The following NEGR1 variants were observed in gnomAD, a reference collection of about 807,000 sequenced individuals.
NEGR1 encodes the protein IgLON family member 4.
Under a neutral mutation model 40.9 loss-of-function variants are expected in NEGR1, and 10 were observed. The ratio of observed to expected loss-of-function variants is 0.24; its 90% CI spans 0.15 to 0.42. The LOEUF (loss-of-function observed/expected upper bound fraction) is 0.42. Among genes scored for constraint, NEGR1 ranks in the 10% least tolerant of loss-of-function variants. The pLI is 1.00. For missense variants in NEGR1, 352 were observed against 438.9 expected, an observed-to-expected ratio of 0.80 and a Z score of 1.77; for synonymous variants, 185 against 166.8, an observed-to-expected ratio of 1.11 and a Z score of -0.84.
chr1:71,927,817 C>CAA, intron 2 of NEGR1, among the ~76,000 whole-genome samples: 1 of 33,308 alleles, frequency 3.0e-5, no homozygotes, highest in South Asian at 1.4e-3. Context: ...GACCCAATCT[C>CAA]TAAAAAAAAA....
Position 71,968,613 on chromosome 1 carries a change from T to G in NEGR1, c.177-33302A>C, listed in dbSNP as rs371534070. The stretch of plus-strand genomic sequence containing the variant: ...TATGAGGAAGAGAGATTTAACATAT[T>G]TTGTATAGAAAAGGTTTTACAAATT... On this transcript the variant is annotated intron_variant, in intron 1 of 6. Transcript: ENST00000357731. Among the ~76,000 whole-genome samples the G allele has an allele frequency of 1.2e-4, 19 of 152,280 alleles. No individual in the cohort carries two copies. In the East Asian group the frequency reaches 2.7e-3, roughly 22 times the overall value.
At chr1:71,619,682 G>T (rs1650551992) in intron 4 of NEGR1, among the ~76,000 whole-genome samples, 1 of 152,078 alleles carries the variant, frequency 6.6e-6, no homozygotes, top group South Asian at 2.1e-4. Flanking sequence ...GAAAGGGTCA[G>T]CATGAGGTAT....
Position 71,666,633 on chromosome 1 carries a change from T to TCCCAATTTA in NEGR1, c.667+31374_667+31375insTAAATTGGG, listed in dbSNP as rs545720581. On this transcript the variant is annotated intron_variant, in intron 4 of 6. Transcript: ENST00000357731. The stretch of plus-strand genomic sequence containing the variant: ...CAATTATATTGGGATTTACTACAAA[T>TCCCAATTTA]CTATCTAGCAGTGTTAACTACTCAG... Among the ~76,000 whole-genome samples, 294 of 152,298 alleles carry TCCCAATTTA rather than the reference T, an allele frequency of 1.9e-3. 1 individual carries two copies. Among genetic ancestry groups the TCCCAATTTA allele is most frequent in the African/African-American group, 6.8e-3 (283 of 41,562 alleles).
intron 2 of NEGR1, among the ~76,000 whole-genome samples, chr1:71,781,997 A>C (rs942545368): frequency 6.6e-6 from 1 of 152,156 alleles, no homozygotes; most frequent in African/African-American, 2.4e-5. Context: ...AAAGATCAAA[A>C]TTCGATCTTA....
At chr1:72,161,308 G>C (rs1214423159) in intron 1 of NEGR1, among the ~76,000 whole-genome samples, 1 of 152,066 alleles carries the variant, frequency 6.6e-6, no homozygotes, top group African/African-American at 2.4e-5. Flanking sequence ...TCTAGATTTA[G>C]GTTTGTGGTG....
intron 6 of NEGR1, among the ~76,000 whole-genome samples, chr1:71,495,246 A>C (rs1019617331): frequency 6.6e-6 from 1 of 152,114 alleles, no homozygotes; most frequent in African/African-American, 2.4e-5. Context: ...TGGGAGGCCA[A>C]GGTGGGTGGA....
At chr1:72,177,924 G>A (rs1325275932) in intron 1 of NEGR1, among the ~76,000 whole-genome samples, 1 of 151,976 alleles carries the variant, frequency 6.6e-6, no homozygotes, top group Admixed American at 6.6e-5. Context: ...CAGAGATGAA[G>A]CACAGCTGGC....
At position 72,281,571 on chromosome 1, in the gene NEGR1, G is replaced by A. The variant is rs76129735; in HGVS notation, c.176+748C>T. 3.7e-3 allele frequency among the ~76,000 whole-genome samples: 568 copies of A among 151,660 alleles called. 5 individuals are homozygous for A. Among genetic ancestry groups the A allele is most frequent in the African/African-American group, 0.013 (543 of 41,278 alleles). ...GTCAAAAGAGGGAAGACAGGGCACA[G>A]GATAGGGACATTAAGGAGGAATAAA... is the stretch of plus-strand genomic sequence containing the variant. On this transcript the variant is annotated intron_variant, in intron 1 of 6. Transcript: ENST00000357731.
At chr1:72,037,906 T>C (rs1023801287) in intron 1 of NEGR1, among the ~76,000 whole-genome samples, 2 of 152,106 alleles carry the variant, frequency 1.3e-5, no homozygotes, top group Non-Finnish European at 2.9e-5. Context: ...CCATTCTTGG[T>C]GTTTATGACC....
chr1:71,447,497 T>G (rs1646590965), intron 6 of NEGR1, among the ~76,000 whole-genome samples: 1 of 152,242 alleles, frequency 6.6e-6, no homozygotes, highest in Admixed American at 6.5e-5. Context: ...TCGCTTTATT[T>G]GCAGTTCTGT....
At chr1:71,591,579 T>C (rs1649501537) in intron 6 of NEGR1, among the ~76,000 whole-genome samples, 1 of 152,112 alleles carries the variant, frequency 6.6e-6, no homozygotes, top group South Asian at 2.1e-4. Flanking sequence ...TCACACTGCT[T>C]TATAATATTT....
At chr1:72,204,853 C>A (rs937035642) in intron 1 of NEGR1, among the ~76,000 whole-genome samples, 1 of 152,050 alleles carries the variant, frequency 6.6e-6, no homozygotes, top group South Asian at 2.1e-4. Context: ...AATTCTGAAT[C>A]GTAAGCAACA....
chr1:71,505,281 C>T (rs1557548943), intron 6 of NEGR1, among the ~76,000 whole-genome samples: 1 of 151,714 alleles, frequency 6.6e-6, no homozygotes, highest in African/African-American at 2.4e-5. Context: ...CACCCTGTTT[C>T]TTTTTCTTTT....
intron 1 of NEGR1, among the ~76,000 whole-genome samples, chr1:72,270,687 T>C (rs757864882): frequency 3.4e-4 from 51 of 152,002 alleles, no homozygotes; most frequent in Non-Finnish European, 4.9e-4. Flanking sequence ...TCCTCTCTTC[T>C]GTTTCTTTCC....
intron 6 of NEGR1, among the ~76,000 whole-genome samples, chr1:71,591,265 C>T (rs528288597): frequency 6.6e-5 from 10 of 152,234 alleles, no homozygotes; most frequent in South Asian, 4.1e-4. Flanking sequence ...GAAGGCACTA[C>T]GTTTAGAAGC....
chr1:71,550,239 T>C (rs1283944740), intron 6 of NEGR1, among the ~76,000 whole-genome samples: 1 of 151,622 alleles, frequency 6.6e-6, no homozygotes, highest in Non-Finnish European at 1.5e-5. Flanking sequence ...CATTTCATTC[T>C]CATTCTTATT....
intron 6 of NEGR1, among the ~76,000 whole-genome samples, chr1:71,582,626 T>G (rs569734518): frequency 1.1e-4 from 16 of 152,248 alleles, no homozygotes; most frequent in African/African-American, 3.6e-4. Flanking sequence ...TTTTCTCAAA[T>G]CAAAACAAAT....
intron 5 of NEGR1, among the ~76,000 whole-genome samples, chr1:71,601,465 A>G (rs899916575): frequency 4.6e-5 from 7 of 152,206 alleles, no homozygotes; most frequent in Non-Finnish European, 1.0e-4. Context: ...ATTCCACTAA[A>G]CAAAGGAAAA....
At chr1:72,056,340 A>AT (rs530115862) in intron 1 of NEGR1, among the ~76,000 whole-genome samples, 18 of 151,284 alleles carry the variant, frequency 1.2e-4, no homozygotes, top group African/African-American at 4.3e-4. Context: ...TATTTATTGC[A>AT]TTTTTTTCTG....
Sources: gnomAD v4.1 joint callset for allele counts (sites outside exome capture counted in the v4.1 genomes callset) on GRCh38, gnomAD v4.1.1 for gene constraint, MANE v1.5 for transcripts, NCBI Gene and HGNC (gene_info 2026-07-23, HGNC 2026-07-21) for gene names.